TAOK1: variants seen among roughly 807,000 people sequenced by gnomAD.
TAOK1 encodes serine/threonine-protein kinase TAO1.
In TAOK1, 21 loss-of-function variants were observed where a neutral mutation model predicts 138.3. That is an observed-to-expected ratio of 0.15 (90% CI 0.11 to 0.22). The LOEUF is 0.22. Among genes scored for constraint, TAOK1 ranks in the 10% least tolerant of loss-of-function variants. The pLI is 1.00. For missense variants in TAOK1, 651 were observed against 1,227.7 expected (o/e 0.53, Z 7.02); for synonymous variants, 361 against 398.4 (o/e 0.91, Z 1.12).
chr17:29,479,322 T>C (rs1462892961), intron 6 of TAOK1, among the ~76,000 whole-genome samples: 1 of 152,216 alleles, frequency 6.6e-6, no homozygotes, highest in Non-Finnish European at 1.5e-5. Context: ...ATTACATATA[T>C]GAACCAGGCA....
chr17:29,463,049 G>C (rs1247022011), intron 2 of TAOK1, among the ~76,000 whole-genome samples: 1 of 151,914 alleles, frequency 6.6e-6, no homozygotes, highest in African/African-American at 2.4e-5. Flanking sequence ...CTTTCTACTA[G>C]AACATTCCAT....
chr17:29,460,483 C>A (rs1407787122), intron 2 of TAOK1, among the ~76,000 whole-genome samples: 1 of 152,208 alleles, frequency 6.6e-6, no homozygotes, highest in Non-Finnish European at 1.5e-5. Context: ...AGCCACCACA[C>A]CCGGCCTGTC....
intron 7 of TAOK1, among the ~76,000 whole-genome samples, chr17:29,481,697 C>T (rs1054982639): frequency 8.6e-5 from 13 of 151,976 alleles, no homozygotes; most frequent in South Asian, 2.1e-4. Flanking sequence ...CGGTGGATCA[C>T]GCCTGTAATC....
intron 2 of TAOK1, among the ~76,000 whole-genome samples, chr17:29,461,746 C>G (rs978225899): frequency 6.9e-6 from 1 of 145,188 alleles, no homozygotes; most frequent in Non-Finnish European, 1.5e-5. Context: ...ATGTAGAGAG[C>G]GAAATTTTTT....
intron 1 of TAOK1, among the ~76,000 whole-genome samples, chr17:29,415,799 G>A (rs1050627249): frequency 6.6e-6 from 1 of 152,204 alleles, no homozygotes; most frequent in Non-Finnish European, 1.5e-5. Flanking sequence ...AAGATATGGT[G>A]AAACTGGTTT....
chr17:29,517,127 C>T (rs906520340), intron 15 of TAOK1, among the ~76,000 whole-genome samples: 4 of 152,064 alleles, frequency 2.6e-5, no homozygotes, highest in South Asian at 2.1e-4. Flanking sequence ...GCTGGGACTA[C>T]GGGCACCCGC....
intron 2 of TAOK1, among the ~76,000 whole-genome samples, chr17:29,452,741 T>C (rs977644477): frequency 2.6e-5 from 4 of 152,246 alleles, no homozygotes; most frequent in African/African-American, 9.6e-5. Context: ...CAATATTTAT[T>C]CTTTTGTTTC....
At chr17:29,434,540 G>A (rs1479566137) in intron 1 of TAOK1, among the ~76,000 whole-genome samples, 4 of 151,662 alleles carry the variant, frequency 2.6e-5, no homozygotes. Flanking sequence ...GAGTTCTGGC[G>A]ACCTTGGCAG....
chr17:29,441,771 G>A (rs1274544993), intron 1 of TAOK1, among the ~76,000 whole-genome samples: 3 of 151,828 alleles, frequency 2.0e-5, no homozygotes, highest in Non-Finnish European at 4.4e-5. Context: ...TGGTGTGCGC[G>A]CCTGTAGTCC....
At chr17:29,409,795 T>G (rs1905096313) in intron 1 of TAOK1, among the ~76,000 whole-genome samples, 2 of 152,194 alleles carry the variant, frequency 1.3e-5, no homozygotes, top group African/African-American at 4.8e-5. Context: ...TTTGTTCTCT[T>G]TTCCAAGTAT....
intron 12 of TAOK1, among the ~76,000 whole-genome samples, chr17:29,502,269 A>G (rs146907382): frequency 6.6e-6 from 1 of 152,338 alleles, no homozygotes; most frequent in African/African-American, 2.4e-5. Flanking sequence ...CCTTGTTTCT[A>G]AAAAAATAAA....
intron 18 of TAOK1, among the ~76,000 whole-genome samples, chr17:29,532,728 G>T (rs1229721887): frequency 2.6e-5 from 4 of 152,064 alleles, no homozygotes; most frequent in African/African-American, 9.7e-5. Flanking sequence ...AAAATGAAAA[G>T]TCTCCCATGT....
intron 3 of TAOK1, among the ~76,000 whole-genome samples, chr17:29,469,295 A>T (rs1598494373): frequency 1.7e-5 from 2 of 121,134 alleles, no homozygotes; most frequent in African/African-American, 7.4e-5. Flanking sequence ...TAATCTTTAA[A>T]TTTTTTAAAA....
chr17:29,486,725 C>A (rs1286621945), intron 8 of TAOK1, among the ~76,000 whole-genome samples: 1 of 151,900 alleles, frequency 6.6e-6, no homozygotes, highest in Non-Finnish European at 1.5e-5. Flanking sequence ...GTTTAATGTT[C>A]TTTGATAAAA....
At chr17:29,478,753 A>T (rs1289133326) in intron 6 of TAOK1, among the ~76,000 whole-genome samples, 2 of 152,190 alleles carry the variant, frequency 1.3e-5, no homozygotes, top group African/African-American at 2.4e-5. Context: ...GCTAGAACTA[A>T]ATCTAGATCT....
rs556252948 is a variant in TAOK1 at position 29,551,163 on chromosome 17, A to C, written c.*8141A>C. ...TCTAAAAGTGGTATCTGTTATCCAC[A>C]ATGTATTTTAGTTATTCCCACAAGT... is the stretch of plus-strand genomic sequence containing the variant. On this transcript the variant is annotated 3_prime_UTR_variant, in exon 20 of 20. Transcript: ENST00000261716. 6.4e-4 allele frequency: 97 copies of C among 152,338 alleles called. No homozygotes were observed. The highest frequency in any genetic ancestry group is 2.2e-3 in the African/African-American group (91 of 41,564). 9.4% of individuals were successfully genotyped at this position (152,338 alleles called of 1,614,324 possible). A position where few individuals can be genotyped will look rare whatever the true frequency, so the allele number is the denominator to read the frequency against.
At chr17:29,439,243 C>T (rs1412287289) in intron 1 of TAOK1, among the ~76,000 whole-genome samples, 1 of 144,510 alleles carries the variant, frequency 6.9e-6, no homozygotes, top group Non-Finnish European at 1.5e-5. Context: ...TCCTCTCTTG[C>T]CCAGGCTGGA....
intron 1 of TAOK1, among the ~76,000 whole-genome samples, chr17:29,403,541 A>G (rs73274642): frequency 6.6e-6 from 1 of 152,266 alleles, no homozygotes; most frequent in African/African-American, 2.4e-5. Context: ...TTTAATATAT[A>G]GTATTTAAGT....
At position 29,543,097 on chromosome 17, in the gene TAOK1, C is replaced by A; in HGVS notation, c.*75C>A. 7.7e-7 allele frequency: 1 copy of A among 1,302,980 alleles called. No homozygotes were observed. Among genetic ancestry groups the A allele is most frequent in the Non-Finnish European group, 1.0e-6 (1 of 956,300 alleles). The allele number at this position is 1,302,980 out of a possible 1,614,324, so 80.7% of individuals were successfully genotyped here. A position where few individuals can be genotyped will look rare whatever the true frequency, so the allele number is the denominator to read the frequency against. On this transcript the variant is annotated 3_prime_UTR_variant, in exon 20 of 20. Coordinates refer to ENST00000261716, the MANE Select transcript of TAOK1 (RefSeq NM_020791.4). ...CTGCCTACAGACATCATCACAGCAG[C>A]CTCCTCACTTGGGTACTACAGTGTG...
Sources: allele counts gnomAD v4.1 joint callset (sites outside exome capture counted in the v4.1 genomes callset), GRCh38; gene constraint gnomAD v4.1.1; transcripts MANE v1.5; gene names NCBI Gene and HGNC (gene_info 2026-07-23, HGNC 2026-07-21).